Variants in ATL2 observed in about 807,000 individuals in gnomAD.
ATL2 encodes atlastin-2.
In ATL2, 31 loss-of-function variants were observed where a neutral mutation model predicts 73.9. The observed-to-expected ratio is 0.42, with a 90% CI of 0.32 to 0.57. The LOEUF (loss-of-function observed/expected upper bound fraction) is 0.57. ATL2 is among the 20% of genes least tolerant of loss of function. ATL2 has a pLI of 0.14. For missense variants in ATL2, 738 were observed against 702.6 expected (o/e 1.05, Z -0.57); for synonymous variants, 291 against 237.5 (o/e 1.23, Z -2.07).
chr2:38,342,961 C>A (rs1387209656), intron 2 of ATL2, among the ~76,000 whole-genome samples: 1 of 150,190 alleles, frequency 6.7e-6, no homozygotes, highest in Non-Finnish European at 1.5e-5. Context: ...CAAAGTGAGA[C>A]CCCCATAGCT....
rs1359820555 is a variant in ATL2, at chr2:38,296,034, G to T, written c.1712C>A (p.Thr571Asn). The change falls in exon 13 of 13, where the codon ACT becomes AAT. Residue 571 changes from threonine to asparagine, a missense_variant. Transcript: ENST00000378954. ...SVTNSIKAGL[T>N]DQVSHHARLK... ...TCTGGCATGATGAGACACCTGGTCA[G>T]TCAGGCCTGCTTTGATAGAGTTTGT... 5.8e-6 allele frequency: 9 copies of T among 1,551,626 alleles called. No homozygotes were observed. The highest frequency in any genetic ancestry group is 7.8e-6 in the Non-Finnish European group (9 of 1,146,832).
chr2:38,304,508 T>C (rs1291659244), intron 9 of ATL2, among the ~76,000 whole-genome samples: 1 of 152,158 alleles, frequency 6.6e-6, no homozygotes, highest in African/African-American at 2.4e-5. Flanking sequence ...TTATTAACAA[T>C]AATTGTGGTG....
intron 2 of ATL2, among the ~76,000 whole-genome samples, chr2:38,341,782 T>A (rs756204635): frequency 6.6e-6 from 1 of 152,172 alleles, no homozygotes; most frequent in Non-Finnish European, 1.5e-5. Context: ...ATGATCGCCA[T>A]GAAAAAACTT....
chr2:38,310,891 T>C (rs1486413356), intron 7 of ATL2, among the ~76,000 whole-genome samples: 1 of 152,034 alleles, frequency 6.6e-6, no homozygotes, highest in Admixed American at 6.6e-5. Context: ...CCTCCCAAAG[T>C]GCTGGGATTA....
At chr2:38,329,341 T>G (rs1004614203) in intron 2 of ATL2, among the ~76,000 whole-genome samples, 10 of 134,718 alleles carry the variant, frequency 7.4e-5, no homozygotes, top group South Asian at 4.6e-4. Flanking sequence ...GGCAGGAGAA[T>G]CGCTGGAACT....
chr2:38,323,349 GTTTT>G (rs1229668962), intron 2 of ATL2, among the ~76,000 whole-genome samples: 4,754 of 74,726 alleles, frequency 0.064, 168 homozygotes, highest in African/African-American at 0.25. Context: ...ATCACCAGAA[GTTTT>G]TTTTTTTTTT....
chr2:38,319,107 G>T, intron 2 of ATL2, 88 bp from the exon 3 acceptor site: 1 of 1,411,608 alleles, frequency 7.1e-7, no homozygotes, highest in Middle Eastern at 1.8e-4. Flanking sequence ...TTTACAGATG[G>T]GGAAGCTAAA....
chr2:38,363,642 T>TTA (rs1422667845), intron 1 of ATL2, among the ~76,000 whole-genome samples: 1 of 152,178 alleles, frequency 6.6e-6, no homozygotes, highest in East Asian at 1.9e-4. Context: ...AACTCACTGT[T>TTA]TCCTATTCAC....
At chr2:38,377,081 G>A in intron 1 of ATL2, 62 bp downstream of exon 1, 3 of 1,519,160 alleles carry the variant, frequency 2.0e-6, no homozygotes, top group Admixed American at 1.8e-5. Flanking sequence ...GTGCCCGCGA[G>A]CCCGAGCAGC....
chr2:38,337,620 G>A (rs1669446231), intron 2 of ATL2, among the ~76,000 whole-genome samples: 1 of 147,886 alleles, frequency 6.8e-6, no homozygotes. Flanking sequence ...TTATTTTTAA[G>A]AGACACATAC....
intron 1 of ATL2, among the ~76,000 whole-genome samples, chr2:38,345,353 T>G (rs747332978): frequency 6.6e-6 from 1 of 152,194 alleles, no homozygotes; most frequent in Non-Finnish European, 1.5e-5. Flanking sequence ...GCAAAGATTA[T>G]ATAACTACAT....
intron 2 of ATL2, among the ~76,000 whole-genome samples, chr2:38,321,326 C>A (rs897956110): frequency 6.6e-6 from 1 of 152,118 alleles, no homozygotes; most frequent in Non-Finnish European, 1.5e-5. Context: ...CTCTTGGATT[C>A]ATTTCTTTTT....
Position 38,309,396 on chromosome 2 carries a change from G to C in ATL2, c.1054C>G (p.Leu352Val), listed in dbSNP as rs1482270945. 1.2e-6 allele frequency: 2 copies of C among 1,609,056 alleles called. No individual in the cohort carries two copies. Among genetic ancestry groups the C allele is most frequent in the South Asian group, 2.2e-5 (2 of 90,564 alleles). ...ISGSKVTCRDLVEYFKAYIKI... is the reference protein window; with the variant it reads ...ISGSKVTCRDVVEYFKAYIKI... ...TCACCTACCTTAAAATATTCTACAA[G>C]ATCTCTACAAGTGACTTTAGATCCA... Residue 352 changes from leucine (L) to valine (V), a missense_variant, in exon 9 of 13, where the codon CTT (leucine) becomes GTT (valine). Transcript: ENST00000378954.
At chr2:38,303,785 A>C (rs983823835) in intron 9 of ATL2, among the ~76,000 whole-genome samples, 3 of 152,188 alleles carry the variant, frequency 2.0e-5, no homozygotes, top group African/African-American at 7.2e-5. Flanking sequence ...ACTTGACCCA[A>C]ATAAGACTAC....
At chr2:38,376,066 C>T (rs1041468629) in intron 1 of ATL2, 2 of 1,389,970 alleles carry the variant, frequency 1.4e-6, no homozygotes, top group Admixed American at 2.8e-5. Context: ...TCTTAAGACA[C>T]GAGCTCGTAT....
At chr2:38,351,368 G>C (rs1441756251) in intron 1 of ATL2, among the ~76,000 whole-genome samples, 1 of 152,000 alleles carries the variant, frequency 6.6e-6, no homozygotes, top group Admixed American at 6.6e-5. Context: ...TATTCTGGTG[G>C]CAAAAATTAA....
chr2:38,296,547 T>C, intron 12 of ATL2: 1 of 1,614,112 alleles, frequency 6.2e-7, no homozygotes, highest in Non-Finnish European at 8.5e-7. Context: ...AAGAGCACGG[T>C]GAACCATTCG....
intron 1 of ATL2, among the ~76,000 whole-genome samples, chr2:38,372,559 C>T (rs563242421): frequency 6.6e-6 from 1 of 152,258 alleles, no homozygotes; most frequent in South Asian, 2.1e-4. Context: ...ATGAAATTAA[C>T]TCATATGAAA....
intron 12 of ATL2, chr2:38,296,586 A>G: frequency 6.2e-7 from 1 of 1,613,878 alleles, no homozygotes; most frequent in Non-Finnish European, 8.5e-7. Context: ...CAGTTTGGAA[A>G]ACACCTAAAA....
Sources: gnomAD v4.1 joint callset for allele counts (sites outside exome capture counted in the v4.1 genomes callset) on GRCh38, gnomAD v4.1.1 for gene constraint, MANE v1.5 for transcripts, NCBI Gene and HGNC (gene_info 2026-07-23, HGNC 2026-07-21) for gene names.